Variants in PCDHGB4 observed in about 807,000 individuals in gnomAD.
PCDHGB4 encodes the protein protocadherin gamma-B4.
In PCDHGB4, 38 loss-of-function variants were observed where a neutral mutation model predicts 60.5. The observed-to-expected ratio is 0.63, with a 90% CI of 0.48 to 0.82. The LOEUF is 0.82. Ranked by LOEUF, PCDHGB4 falls within the 40% of genes least tolerant of loss-of-function variation. The probability of loss-of-function intolerance (pLI) is 0.00; values close to 1 mark genes in which losing one functional copy is unlikely to be tolerated. For synonymous variants in PCDHGB4, 456 were observed against 509.7 expected (o/e 0.89, Z 1.42); for missense variants, 1,109 against 1,209.6 (o/e 0.92, Z 1.23).
At chr5:141,503,099 C>T (rs1286557930) in intron 2 of PCDHGB4, among the ~76,000 whole-genome samples, 1 of 151,884 alleles carries the variant, frequency 6.6e-6, no homozygotes, top group Non-Finnish European at 1.5e-5. Context: ...GTGGTCTGCC[C>T]GCCCCTGCCT....
chr5:141,412,918 G>A (rs893690519), intron 1 of PCDHGB4: 17 of 414,102 alleles, frequency 4.1e-5, no homozygotes, highest in Non-Finnish European at 5.5e-5. Context: ...TATCACTTGG[G>A]TGCAGTAACT....
chr5:141,420,525 C>T (rs895355117), intron 1 of PCDHGB4: 2 of 358,086 alleles, frequency 5.6e-6, no homozygotes, highest in South Asian at 2.1e-4. Flanking sequence ...AAATACCTTT[C>T]GGTTAAAAAT....
chr5:141,475,577 T>C (rs2099365697), intron 1 of PCDHGB4, among the ~76,000 whole-genome samples: 1 of 152,228 alleles, frequency 6.6e-6, no homozygotes, highest in Non-Finnish European at 1.5e-5. Context: ...ACAAGCCAGA[T>C]TTGTTGGTGT....
Position 141,389,552 on chromosome 5 carries a change from T to C in PCDHGB4, c.1668T>C (p.Asn556=), listed in dbSNP as rs752525339. ...LRVLVDDRND[N]APRVLYPALG... is the part of the protein sequence containing the mutation. ...TGTTAGTGGACGACCGCAACGACAA[T>C]GCGCCACGGGTGCTGTACCCCGCGC... The change falls in exon 1 of 4, where the codon AAT becomes AAC. Residue 556 remains asparagine (N), a synonymous_variant. Transcript: ENST00000519479. The C allele has an allele frequency of 8.7e-6, 14 of 1,613,104 alleles. No individual in the cohort carries two copies. The highest frequency in any genetic ancestry group is 6.7e-5 in the East Asian group (3 of 44,888).
At chr5:141,475,571 G>A (rs1426547386) in intron 1 of PCDHGB4, among the ~76,000 whole-genome samples, 1 of 152,212 alleles carries the variant, frequency 6.6e-6, no homozygotes, top group East Asian at 1.9e-4. Context: ...CTTCCAACAA[G>A]CCAGATTTGT....
chr5:141,414,938 C>G (rs1407853248), intron 1 of PCDHGB4: 1 of 1,614,116 alleles, frequency 6.2e-7, no homozygotes, highest in Admixed American at 1.7e-5. Flanking sequence ...TCCGCAGAGC[C>G]CGGCTACCTG....
At chr5:141,414,241 C>T in intron 1 of PCDHGB4, 1 of 1,613,472 alleles carries the variant, frequency 6.2e-7, no homozygotes, top group Non-Finnish European at 8.5e-7. Context: ...CATCACGTCT[C>T]TATTTAGTCC....
intron 1 of PCDHGB4, chr5:141,394,389 C>T (rs750588570): frequency 2.6e-5 from 42 of 1,614,118 alleles, no homozygotes; most frequent in Non-Finnish European, 3.5e-5. Flanking sequence ...TGAGCAGATC[C>T]GAGACCTGCA....
At chr5:141,462,648 C>T (rs2099044153) in intron 1 of PCDHGB4, among the ~76,000 whole-genome samples, 1 of 137,364 alleles carries the variant, frequency 7.3e-6, no homozygotes, top group Admixed American at 7.1e-5. Flanking sequence ...TCATTTCCAT[C>T]CTCAATTATC....
At chr5:141,428,020 C>T (rs1443722620) in intron 1 of PCDHGB4, 1 of 1,605,408 alleles carries the variant, frequency 6.2e-7, no homozygotes, top group Admixed American at 1.7e-5. Context: ...GTGCCACGCG[C>T]CGCAGAGTCC....
chr5:141,458,918 A>C (rs1173274380), intron 1 of PCDHGB4, among the ~76,000 whole-genome samples: 1 of 152,022 alleles, frequency 6.6e-6, no homozygotes, highest in Non-Finnish European at 1.5e-5. Context: ...TTTTTTGTGG[A>C]GACGGGGTCT....
chr5:141,387,786 C>T lies in PCDHGB4; in HGVS notation c.-99C>T. 1.4e-6 allele frequency: 2 copies of T among 1,473,828 alleles called. No individual in the cohort carries two copies. Among genetic ancestry groups the T allele is most frequent in the Non-Finnish European group, 1.8e-6 (2 of 1,105,732 alleles). 91.3% of individuals were successfully genotyped at this position (1,473,828 alleles called of 1,614,324 possible). On this transcript the variant is annotated 5_prime_UTR_variant, in exon 1 of 4. Coordinates refer to ENST00000519479, the MANE Select transcript of PCDHGB4 (RefSeq NM_003736.4). ...AGAATTTTTTCTTGAACTGGAACTG[C>T]AACTAAAGTCCGTTCGGAGATCCAA...
chr5:141,482,529 G>GAAAAAAAA (rs1256461887), intron 1 of PCDHGB4, among the ~76,000 whole-genome samples: 1 of 56,042 alleles, frequency 1.8e-5, no homozygotes, highest in Admixed American at 1.9e-4. Context: ...AGACAGACAT[G>GAAAAAAAA]CAAAAAAAAA....
intron 1 of PCDHGB4, chr5:141,421,662 G>C: frequency 5.6e-6 from 9 of 1,613,844 alleles, no homozygotes; most frequent in Non-Finnish European, 7.6e-6. Context: ...AAGTCAGTGA[G>C]CACGCAATTC....
intron 1 of PCDHGB4, among the ~76,000 whole-genome samples, chr5:141,454,222 T>C (rs1411974754): frequency 6.6e-6 from 1 of 152,118 alleles, no homozygotes; most frequent in African/African-American, 2.4e-5. Flanking sequence ...ATGAGAAAAG[T>C]AATTGTGATG....
At chr5:141,496,289 G>A (rs1347634489) in intron 2 of PCDHGB4, among the ~76,000 whole-genome samples, 3 of 152,224 alleles carry the variant, frequency 2.0e-5, no homozygotes, top group Non-Finnish European at 4.4e-5. Flanking sequence ...GGTCTGAGCA[G>A]AGTGGGATAG....
intron 1 of PCDHGB4, chr5:141,430,741 A>T (rs370226249): frequency 6.7e-6 from 10 of 1,498,900 alleles, no homozygotes; most frequent in Non-Finnish European, 8.9e-6. Flanking sequence ...ATTGAAAATA[A>T]TTCTGGAGGA....
chr5:141,389,640 G>A lies in PCDHGB4; in HGVS notation c.1756G>A (p.Val586Met). 6.2e-7 allele frequency: 1 copy of A among 1,612,974 alleles called. No homozygotes were observed. Among genetic ancestry groups the A allele is most frequent in the Non-Finnish European group, 8.5e-7 (1 of 1,179,880 alleles). Residue 586 changes from valine to methionine, a missense_variant, in exon 1 of 4, where the codon GTG (valine) becomes ATG (methionine). Val to Met is a conservative substitution (Grantham distance 21). Transcript: ENST00000519479. Reference sequence around the variant, plus strand: ...GCACGCTGCAGAGCCTGGCTACTTGGTGACCAAGGTAGTGGCGGTGGACGC... The same window carrying A: ...GCACGCTGCAGAGCCTGGCTACTTGATGACCAAGGTAGTGGCGGTGGACGC... ...VPHAAEPGYL[V>M]TKVVAVDADS...
intron 1 of PCDHGB4, chr5:141,440,759 C>T (rs1160288117): frequency 1.3e-5 from 2 of 152,158 alleles, no homozygotes; most frequent in Admixed American, 6.6e-5. Flanking sequence ...AAGCAGAGCT[C>T]CCATCCCTTA....
Sources: allele counts gnomAD v4.1 joint callset (sites outside exome capture counted in the v4.1 genomes callset), GRCh38; gene constraint gnomAD v4.1.1; transcripts MANE v1.5; gene names NCBI Gene and HGNC (gene_info 2026-07-23, HGNC 2026-07-21).